GPC6: variants seen among roughly 807,000 people sequenced by gnomAD.
The protein encoded by GPC6 is glypican-6.
GPC6 carries 14 observed loss-of-function variants against 55.2 expected under a neutral mutation model. The ratio of observed to expected loss-of-function variants is 0.25; its 90% CI spans 0.17 to 0.40. The LOEUF (loss-of-function observed/expected upper bound fraction) is 0.40. Among genes scored for constraint, GPC6 ranks in the 10% least tolerant of loss-of-function variants. GPC6 has a pLI of 1.00. For missense variants in GPC6, 641 were observed against 708.5 expected, an observed-to-expected ratio of 0.90 and a Z score of 1.08; for synonymous variants, 278 against 259.6, an observed-to-expected ratio of 1.07 and a Z score of -0.68.
chr13:94,023,829 T>C lies in GPC6; in HGVS notation c.712-3900T>C, dbSNP rs531242751. On this transcript the variant is annotated intron_variant, in intron 3 of 8. Transcript: ENST00000377047. ...ATGAACTATTAATATATGCAACAAG[T>C]TGGATGGACCTTGAGGGCATTATGC... Among the ~76,000 whole-genome samples, 18 of 152,074 alleles carry C rather than the reference T, an allele frequency of 1.2e-4. No individual in the cohort carries two copies. In the South Asian group the frequency reaches 3.5e-3, roughly 30 times the overall value.
intron 6 of GPC6, among the ~76,000 whole-genome samples, chr13:94,316,565 A>C (rs1314326910): frequency 6.6e-6 from 1 of 151,590 alleles, no homozygotes; most frequent in Admixed American, 6.6e-5. Context: ...AAAATACAAA[A>C]AATTAGCCGG....
chr13:93,696,243 C>A (rs964297296), intron 2 of GPC6, among the ~76,000 whole-genome samples: 6 of 152,124 alleles, frequency 3.9e-5, no homozygotes, highest in African/African-American at 1.4e-4. Context: ...CAGAAAGCAT[C>A]ATTTCCAACT....
chr13:94,263,543 T>C (rs1384500389), intron 4 of GPC6, among the ~76,000 whole-genome samples: 1 of 152,166 alleles, frequency 6.6e-6, no homozygotes, highest in African/African-American at 2.4e-5. Flanking sequence ...CCAAGCCAGA[T>C]AAAAGCAGAG....
chr13:94,364,830 A>G (rs1273574078), intron 6 of GPC6, among the ~76,000 whole-genome samples: 2 of 152,172 alleles, frequency 1.3e-5, no homozygotes, highest in South Asian at 4.1e-4. Flanking sequence ...GCAACCAATT[A>G]TCTATAATAT....
chr13:93,255,553 A>G (rs944779183), intron 1 of GPC6, among the ~76,000 whole-genome samples: 1 of 152,118 alleles, frequency 6.6e-6, no homozygotes, highest in African/African-American at 2.4e-5. Context: ...CAAGCTTTGA[A>G]CTTGTGTGTT....
intron 3 of GPC6, among the ~76,000 whole-genome samples, chr13:93,878,151 A>G (rs1874706927): frequency 6.6e-6 from 1 of 152,048 alleles, no homozygotes; most frequent in Non-Finnish European, 1.5e-5. Context: ...GGGGAGATAG[A>G]AGAAAAGAGG....
At chr13:93,836,675 TATG>T (rs1201373243) in intron 3 of GPC6, among the ~76,000 whole-genome samples, 2 of 152,192 alleles carry the variant, frequency 1.3e-5, no homozygotes, top group Admixed American at 6.5e-5. Flanking sequence ...ACTGCTGTCT[TATG>T]ATGGTATTTC....
At chr13:93,870,665 C>T (rs956238307) in intron 3 of GPC6, among the ~76,000 whole-genome samples, 1 of 151,694 alleles carries the variant, frequency 6.6e-6, no homozygotes, top group Admixed American at 6.6e-5. Context: ...TAGTCCAAAT[C>T]CAATATGATT....
chr13:93,224,337 G>A (rs1192882233), upstream of GPC6, among the ~76,000 whole-genome samples: 1 of 151,802 alleles, frequency 6.6e-6, no homozygotes, highest in Non-Finnish European at 1.5e-5. Flanking sequence ...TGAGATTACA[G>A]GCACGTGCCA....
chr13:93,985,540 A>T (rs12876666), intron 3 of GPC6, among the ~76,000 whole-genome samples: 71,077 of 151,150 alleles, frequency 0.47, 17,359 homozygotes, highest in Non-Finnish European at 0.53. Context: ...CCAAAAAACT[A>T]AAAAAAGGGT....
At chr13:93,738,865 C>T (rs189398901) in intron 2 of GPC6, among the ~76,000 whole-genome samples, 1 of 151,608 alleles carries the variant, frequency 6.6e-6, no homozygotes, top group African/African-American at 2.4e-5. Context: ...TCACATAAAA[C>T]CTGTTTTTGT....
At chr13:94,250,670 G>GA (rs778676411) in intron 4 of GPC6, among the ~76,000 whole-genome samples, 1 of 152,124 alleles carries the variant, frequency 6.6e-6, no homozygotes, top group Non-Finnish European at 1.5e-5. Flanking sequence ...TCCCCTGTGA[G>GA]AAAAACAATG....
intron 6 of GPC6, among the ~76,000 whole-genome samples, chr13:94,362,027 G>T (rs1195399132): frequency 1.3e-5 from 2 of 152,118 alleles, no homozygotes; most frequent in Non-Finnish European, 2.9e-5. Context: ...TAGAAATACA[G>T]AATTAAATAC....
At chr13:93,722,967 G>C (rs765978824) in intron 2 of GPC6, among the ~76,000 whole-genome samples, 10 of 151,828 alleles carry the variant, frequency 6.6e-5, no homozygotes, top group Non-Finnish European at 1.3e-4. Context: ...ATCTTAACTT[G>C]ACTGTGTCTG....
chr13:93,614,352 T>C (rs1205578883), intron 2 of GPC6, among the ~76,000 whole-genome samples: 1 of 152,188 alleles, frequency 6.6e-6, no homozygotes, highest in African/African-American at 2.4e-5. Context: ...GTAAAGTTAA[T>C]ATGGTCAATG....
chr13:93,264,723 A>G (rs1877264949), intron 1 of GPC6, among the ~76,000 whole-genome samples: 2 of 152,168 alleles, frequency 1.3e-5, no homozygotes, highest in Admixed American at 6.5e-5. Flanking sequence ...AATCATCTCT[A>G]CATTACTTAT....
At chr13:94,380,140 A>G (rs891158365) in intron 6 of GPC6, among the ~76,000 whole-genome samples, 3 of 152,222 alleles carry the variant, frequency 2.0e-5, no homozygotes, top group African/African-American at 7.2e-5. Flanking sequence ...TTAGATTCCC[A>G]TAACGTGGAG....
intron 3 of GPC6, among the ~76,000 whole-genome samples, chr13:93,948,517 A>G (rs1476779648): frequency 1.5e-4 from 23 of 152,186 alleles, no homozygotes; most frequent in Admixed American, 1.5e-3. Flanking sequence ...TTAAATTATT[A>G]ATAGATACAT....
At chr13:94,260,882 T>C (rs1891637162) in intron 4 of GPC6, among the ~76,000 whole-genome samples, 2 of 152,278 alleles carry the variant, frequency 1.3e-5, no homozygotes, top group Middle Eastern at 6.8e-3. Context: ...ATGATTATTG[T>C]TCAGATATCA....
Sources: allele counts gnomAD v4.1 joint callset (sites outside exome capture counted in the v4.1 genomes callset), GRCh38; gene constraint gnomAD v4.1.1; transcripts MANE v1.5; gene names NCBI Gene and HGNC (gene_info 2026-07-23, HGNC 2026-07-21).